MMP16: variants seen among roughly 807,000 people sequenced by gnomAD.
The protein encoded by MMP16 is matrix metallopeptidase 16, also known as matrix metalloproteinase-16.
In MMP16, 12 loss-of-function variants were observed where a neutral mutation model predicts 67.8. The ratio of observed to expected loss-of-function variants is 0.18; its 90% confidence interval spans 0.11 to 0.29. The LOEUF (loss-of-function observed/expected upper bound fraction) is 0.29, where lower values mean the gene tolerates loss of function less well. MMP16 is among the 10% of genes least tolerant of loss of function. The probability of loss-of-function intolerance (pLI) is 1.00; values close to 1 mark genes in which losing one functional copy is unlikely to be tolerated. For synonymous variants in MMP16, 249 were observed against 255.9 expected (o/e 0.97, Z 0.26); for missense variants, 475 against 765.7 (o/e 0.62, Z 4.48).
intron 1 of MMP16, among the ~76,000 whole-genome samples, chr8:88,319,645 C>T (rs1811427946): frequency 6.6e-6 from 1 of 152,154 alleles, no homozygotes; most frequent in South Asian, 2.1e-4. Flanking sequence ...CGGGGTCTGA[C>T]TCCATCAGCC....
At chr8:88,080,992 T>C (rs1808740327) in intron 6 of MMP16, among the ~76,000 whole-genome samples, 1 of 152,094 alleles carries the variant, frequency 6.6e-6, no homozygotes, top group African/African-American at 2.4e-5. Context: ...GCAAGCAGTA[T>C]GAGATTTCAG....
In MMP16 at chr8:88,037,258, G is replaced by A. The variant is rs1808066999; in HGVS notation, c.*4203C>T. ...TATCCACCACATTGTGTTTTTTAATGACCCACAGAGAGGGAATGAAAATAG... is the reference window on the plus strand; with the variant it reads ...TATCCACCACATTGTGTTTTTTAATAACCCACAGAGAGGGAATGAAAATAG... On this transcript the variant is annotated 3_prime_UTR_variant, in exon 10 of 10. Coordinates refer to ENST00000286614, the MANE Select transcript of MMP16 (RefSeq NM_005941.5). 1 of 151,222 alleles carries A rather than the reference G, an allele frequency of 6.6e-6. No individual in the cohort carries two copies. Among genetic ancestry groups the A allele is most frequent in the Admixed American group, 6.6e-5 (1 of 15,072 alleles). The allele number at this position is 151,222 out of a possible 1,614,324, so 9.4% of individuals were successfully genotyped here. A position where few individuals can be genotyped will look rare whatever the true frequency, so the allele number is the denominator to read the frequency against.
In MMP16 at chr8:88,033,898, T is replaced by G. The variant is rs1211625772; in HGVS notation, c.*7563A>C. The G allele has an allele frequency of 6.6e-6, 1 of 152,078 alleles. No homozygotes were observed. The highest frequency in any genetic ancestry group is 1.5e-5 in the Non-Finnish European group (1 of 67,970). 9.4% of individuals were successfully genotyped at this position (152,078 alleles called of 1,614,324 possible). A position where few individuals can be genotyped will look rare whatever the true frequency, so the allele number is the denominator to read the frequency against. ...AAAGGATGAAGGTTTTAGGCATTTA[T>G]GTACCCATGATGTACCTTAAACAGA... is the stretch of plus-strand genomic sequence containing the variant. On this transcript the variant is annotated 3_prime_UTR_variant, in exon 10 of 10. Coordinates refer to ENST00000286614, the MANE Select transcript of MMP16 (RefSeq NM_005941.5).
chr8:88,142,473 T>G (rs570211179), intron 4 of MMP16, among the ~76,000 whole-genome samples: 111 of 152,224 alleles, frequency 7.3e-4, no homozygotes, highest in Non-Finnish European at 1.4e-3. Context: ...CTGAGGAAAG[T>G]GATTAAATTT....
Position 88,033,912 on chromosome 8 carries a change from A to G in MMP16, c.*7549T>C, listed in dbSNP as rs1218810855. 1 of 152,058 alleles carries G rather than the reference A, an allele frequency of 6.6e-6. No individual in the cohort carries two copies. Among genetic ancestry groups the G allele is most frequent in the Non-Finnish European group, 1.5e-5 (1 of 67,954 alleles). The allele number at this position is 152,058 out of a possible 1,614,324, so 9.4% of individuals were successfully genotyped here. A position where few individuals can be genotyped will look rare whatever the true frequency, so the allele number is the denominator to read the frequency against. ...TTAGGCATTTATGTACCCATGATGT[A>G]CCTTAAACAGAACACTATACTGTGA... On this transcript the variant is annotated 3_prime_UTR_variant, in exon 10 of 10. Coordinates refer to ENST00000286614, the MANE Select transcript of MMP16 (RefSeq NM_005941.5).
intron 6 of MMP16, among the ~76,000 whole-genome samples, chr8:88,080,951 C>T (rs1049573657): frequency 2.0e-5 from 3 of 152,062 alleles, no homozygotes; most frequent in African/African-American, 4.8e-5. Context: ...TTTTCCATTC[C>T]GTGGTAGGCC....
At chr8:88,045,480 C>T (rs1371075126) in intron 9 of MMP16, among the ~76,000 whole-genome samples, 1 of 152,072 alleles carries the variant, frequency 6.6e-6, no homozygotes, top group Non-Finnish European at 1.5e-5. Flanking sequence ...AAGCAATCCT[C>T]CTGCCTCAGG....
chr8:88,109,422 T>C (rs1484528081), intron 6 of MMP16, among the ~76,000 whole-genome samples: 1 of 151,294 alleles, frequency 6.6e-6, no homozygotes, highest in Non-Finnish European at 1.5e-5. Context: ...AATAAATGCT[T>C]TTAAGAGATT....
intron 1 of MMP16, among the ~76,000 whole-genome samples, chr8:88,242,438 T>G (rs1810048797): frequency 6.6e-6 from 1 of 152,216 alleles, no homozygotes; most frequent in Non-Finnish European, 1.5e-5. Context: ...GAAGGGAAGA[T>G]ATTTTAAGCC....
intron 1 of MMP16, among the ~76,000 whole-genome samples, chr8:88,244,418 T>C (rs547768693): frequency 6.6e-6 from 1 of 152,298 alleles, no homozygotes; most frequent in African/African-American, 2.4e-5. Context: ...GAAAACTATT[T>C]GAAGAGGAGT....
At chr8:88,165,543 A>G (rs1808698621) in intron 4 of MMP16, among the ~76,000 whole-genome samples, 1 of 152,074 alleles carries the variant, frequency 6.6e-6, no homozygotes, top group Non-Finnish European at 1.5e-5. Flanking sequence ...AGCATTTCTT[A>G]TATTATTTAA....
intron 6 of MMP16, among the ~76,000 whole-genome samples, chr8:88,112,604 T>C (rs937093244): frequency 2.0e-5 from 3 of 151,650 alleles, no homozygotes; most frequent in African/African-American, 7.3e-5. Context: ...GATTAGGTGG[T>C]TTACATTCTC....
intron 1 of MMP16, among the ~76,000 whole-genome samples, chr8:88,221,787 A>G (rs17722705): frequency 0.043 from 6,554 of 152,200 alleles, 169 homozygotes; most frequent in Non-Finnish European, 0.054. Flanking sequence ...AGACTCCAGA[A>G]AGAAAGTGAA....
chr8:88,317,922 C>T (rs1393114239), intron 1 of MMP16, among the ~76,000 whole-genome samples: 2 of 152,082 alleles, frequency 1.3e-5, no homozygotes, highest in Non-Finnish European at 2.9e-5. Context: ...CCTGATCCAT[C>T]GCTGGACTGA....
chr8:88,300,887 C>A (rs1227060170), intron 1 of MMP16, among the ~76,000 whole-genome samples: 2 of 151,642 alleles, frequency 1.3e-5, no homozygotes, highest in African/African-American at 2.4e-5. Context: ...TGGCATCAGT[C>A]AGAAGGACAA....
At chr8:88,310,546 T>C (rs544467851) in intron 1 of MMP16, among the ~76,000 whole-genome samples, 1 of 152,238 alleles carries the variant, frequency 6.6e-6, no homozygotes, top group Admixed American at 6.5e-5. Flanking sequence ...ATAGGGATGA[T>C]GTAATCCACT....
At chr8:88,204,828 A>G (rs1809401005) in intron 1 of MMP16, among the ~76,000 whole-genome samples, 1 of 152,214 alleles carries the variant, frequency 6.6e-6, no homozygotes, top group Non-Finnish European at 1.5e-5. Context: ...CAGTTTATCA[A>G]TATCTAGATA....
At position 88,155,226 on chromosome 8, in the gene MMP16, T is replaced by C. The variant is rs115287838; in HGVS notation, c.709+12443A>G. ...TTCTAAAACAAATATTTATAAGGAA[T>C]ACTTTAAAACTACAGATACAATTTA... On this transcript the variant is annotated intron_variant, in intron 4 of 9. Coordinates refer to ENST00000286614, the MANE Select transcript of MMP16 (RefSeq NM_005941.5). Among the ~76,000 whole-genome samples the C allele has an allele frequency of 2.8e-3, 427 of 152,194 alleles. 2 individuals are homozygous for C. Among genetic ancestry groups the C allele is most frequent in the African/African-American group, 9.5e-3 (396 of 41,548 alleles).
chr8:88,266,712 A>T (rs571262350), intron 1 of MMP16, among the ~76,000 whole-genome samples: 101 of 152,140 alleles, frequency 6.6e-4, no homozygotes, highest in African/African-American at 2.3e-3. Flanking sequence ...GTAAAAACAC[A>T]GAAAAAAAAA....
Sources: allele counts gnomAD v4.1 joint callset (sites outside exome capture counted in the v4.1 genomes callset), GRCh38; gene constraint gnomAD v4.1.1; transcripts MANE v1.5; gene names NCBI Gene and HGNC (gene_info 2026-07-23, HGNC 2026-07-21).